DLGAP1: variants seen among roughly 807,000 people sequenced by gnomAD.
DLGAP1 encodes the protein DLG associated protein 1, also known as disks large-associated protein 1.
A neutral mutation model predicts 90.8 loss-of-function variants in DLGAP1; 11 were observed. The ratio of observed to expected loss-of-function variants is 0.12; its 90% CI spans 0.08 to 0.20. The LOEUF is 0.20. Ranked by LOEUF, DLGAP1 falls within the 10% of genes least tolerant of loss-of-function variation. DLGAP1 has a pLI of 1.00. For missense variants in DLGAP1, 1,050 were observed against 1,333.8 expected (o/e 0.79, Z 3.31); for synonymous variants, 558 against 540.7 (o/e 1.03, Z -0.44).
At chr18:4,198,083 G>C (rs1325909171) in intron 1 of DLGAP1, among the ~76,000 whole-genome samples, 2 of 152,066 alleles carry the variant, frequency 1.3e-5, no homozygotes, top group Non-Finnish European at 2.9e-5. Flanking sequence ...ATCAGCCGGG[G>C]CGTGGTGGTG....
chr18:4,012,877 T>A lies in DLGAP1; in HGVS notation c.-158-7676A>T, dbSNP rs2074452013. ...CCATGGCCAGCTAATTAAAAAGAAT[T>A]TATTTTATAGAGACAGGGGGTCTCA... On this transcript the variant is annotated intron_variant, in intron 2 of 12. Transcript: ENST00000315677. Among the ~76,000 whole-genome samples, 9 of 152,084 alleles carry A rather than the reference T, an allele frequency of 5.9e-5. No homozygotes were observed. The South Asian group carries it at 1.9e-3, about 32-fold the overall frequency.
intron 3 of DLGAP1, among the ~76,000 whole-genome samples, chr18:3,959,839 A>G (rs1344174919): frequency 1.3e-5 from 2 of 152,246 alleles, no homozygotes; most frequent in East Asian, 3.8e-4. Context: ...TTCAACATGT[A>G]ATCAATATAC....
At chr18:4,119,666 G>C (rs866898587) in intron 2 of DLGAP1, among the ~76,000 whole-genome samples, 9 of 152,186 alleles carry the variant, frequency 5.9e-5, no homozygotes, top group Middle Eastern at 3.4e-3. Flanking sequence ...ACTCTTCCAA[G>C]CTAAAAAGAG....
chr18:3,692,198 A>T (rs1356215556), intron 7 of DLGAP1, among the ~76,000 whole-genome samples: 1 of 152,212 alleles, frequency 6.6e-6, no homozygotes, highest in African/African-American at 2.4e-5. Flanking sequence ...TGGTAATGTA[A>T]CTTAGCACAA....
In DLGAP1 at chr18:3,565,727, C is replaced by T. The variant is rs1041680081; in HGVS notation, c.2057+1763G>A. Among the ~76,000 whole-genome samples the T allele has an allele frequency of 1.3e-5, 2 of 151,780 alleles. No individual in the cohort carries two copies. The highest frequency in any genetic ancestry group is 6.6e-5 in the Admixed American group (1 of 15,236). On this transcript the variant is annotated intron_variant, in intron 9 of 12. Transcript: ENST00000315677. This position sits in a 1 kb window ranked among gnomAD's most constrained non-coding sequence, Gnocchi z 4.0. Reference sequence around the variant, plus strand: ...GTCCGTGCCTGTAGTCCCAGCCACTCGGGAGGCTGAGTCAGGAGAACCGCT... The same window carrying T: ...GTCCGTGCCTGTAGTCCCAGCCACTTGGGAGGCTGAGTCAGGAGAACCGCT...
At chr18:4,083,136 G>C (rs960224631) in intron 2 of DLGAP1, among the ~76,000 whole-genome samples, 1 of 152,168 alleles carries the variant, frequency 6.6e-6, no homozygotes, top group African/African-American at 2.4e-5. Context: ...AGGGGGTAGA[G>C]TAGAAAGTTG....
chr18:3,957,215 T>C (rs753699664), intron 3 of DLGAP1, among the ~76,000 whole-genome samples: 22 of 152,162 alleles, frequency 1.4e-4, no homozygotes, highest in Non-Finnish European at 3.2e-4. Context: ...GATTTGAAGA[T>C]GCTTTGCTGC....
At chr18:3,935,354 A>G (rs2072612372) in intron 3 of DLGAP1, among the ~76,000 whole-genome samples, 1 of 152,272 alleles carries the variant, frequency 6.6e-6, no homozygotes, top group African/African-American at 2.4e-5. Flanking sequence ...ATTTAATTCA[A>G]TAGGTAATAG....
At chr18:3,920,373 A>AT (rs1568300205) in intron 3 of DLGAP1, among the ~76,000 whole-genome samples, 5 of 149,546 alleles carry the variant, frequency 3.3e-5, no homozygotes, top group Non-Finnish European at 7.4e-5. Flanking sequence ...AAAAAAAAAA[A>AT]GCACTGGGTA....
intron 2 of DLGAP1, among the ~76,000 whole-genome samples, chr18:4,127,958 T>C (rs1043510693): frequency 2.6e-5 from 4 of 152,198 alleles, no homozygotes; most frequent in Non-Finnish European, 5.9e-5. Flanking sequence ...TAGTCCACAG[T>C]AAGACTGAGC....
In DLGAP1 at chr18:3,590,449, T is replaced by A. The variant is rs189482540; in HGVS notation, c.1592-8201A>T. ...TTTCTTCAATCAGAGAGCCGGTTGT[T>A]AAGCATTTCCAACACCCCTGTGTGT... is the stretch of plus-strand genomic sequence containing the variant. On this transcript the variant is annotated intron_variant, in intron 7 of 12. Coordinates refer to ENST00000315677, the MANE Select transcript of DLGAP1 (RefSeq NM_004746.4). Among the ~76,000 whole-genome samples the A allele has an allele frequency of 1.9e-3, 285 of 152,288 alleles. 3 individuals carry two copies. The highest frequency in any genetic ancestry group is 6.5e-3 in the African/African-American group (269 of 41,554).
chr18:4,421,986 T>C (rs1335870907), intron 1 of DLGAP1, among the ~76,000 whole-genome samples: 3 of 152,130 alleles, frequency 2.0e-5, no homozygotes, highest in Non-Finnish European at 4.4e-5. Flanking sequence ...AGTGCTAGGA[T>C]TACAGGTGTG....
chr18:4,169,866 G>T (rs1179915239), intron 1 of DLGAP1, among the ~76,000 whole-genome samples: 1 of 152,128 alleles, frequency 6.6e-6, no homozygotes, highest in Non-Finnish European at 1.5e-5. Context: ...ATGAGCTTAG[G>T]AATCAGAGCC....
chr18:4,113,588 A>G (rs563385622), intron 2 of DLGAP1, among the ~76,000 whole-genome samples: 1 of 152,090 alleles, frequency 6.6e-6, no homozygotes, highest in Non-Finnish European at 1.5e-5. Flanking sequence ...CTCTACTGAT[A>G]GTTTGTATGG....
At chr18:3,774,095 C>T (rs367837180) in intron 5 of DLGAP1, 25 of 152,108 alleles carry the variant, frequency 1.6e-4, no homozygotes, top group Admixed American at 1.0e-3. Flanking sequence ...CTGCAGCAGT[C>T]GCCAACTTCT....
chr18:3,926,575 T>TATATGTATATATATATACAC (rs2072395371), intron 3 of DLGAP1, among the ~76,000 whole-genome samples: 1 of 151,998 alleles, frequency 6.6e-6, no homozygotes, highest in Non-Finnish European at 1.5e-5. Context: ...TGTGTATATA[T>TATATGTATATATATATACAC]ATATACACAT....
intron 7 of DLGAP1, among the ~76,000 whole-genome samples, chr18:3,726,968 T>C (rs2062206773): frequency 6.6e-6 from 1 of 152,210 alleles, no homozygotes; most frequent in Admixed American, 6.5e-5. Context: ...GCATTTCTGG[T>C]TAAAGCCCTT....
chr18:3,655,937 G>T, intron 7 of DLGAP1: 1 of 771,780 alleles, frequency 1.3e-6, no homozygotes. Context: ...AAAATGACCA[G>T]AACAAGGAGA....
intron 2 of DLGAP1, among the ~76,000 whole-genome samples, chr18:4,010,196 G>A (rs2074388361): frequency 6.6e-6 from 1 of 152,154 alleles, no homozygotes; most frequent in African/African-American, 2.4e-5. Context: ...ACACAGTTTA[G>A]TGTAGTGTTT....
Sources: allele counts gnomAD v4.1 joint callset (sites outside exome capture counted in the v4.1 genomes callset), GRCh38; gene constraint gnomAD v4.1.1; non-coding constraint Gnocchi (gnomAD v3.1); transcripts MANE v1.5; gene names NCBI Gene and HGNC (gene_info 2026-07-23, HGNC 2026-07-21).